The following FHIT variants were observed in gnomAD, a reference collection of about 807,000 sequenced individuals.
The protein encoded by FHIT is fragile histidine triad diadenosine triphosphatase.
In FHIT, 19 loss-of-function variants were observed where a neutral mutation model predicts 17.9. The ratio of observed to expected loss-of-function variants is 1.06; its 90% CI spans 0.74 to 1.56. The LOEUF (loss-of-function observed/expected upper bound fraction) is 1.56. Among genes scored for constraint, FHIT ranks in the 40% most tolerant of loss-of-function variants. FHIT has a pLI of 0.00. For missense variants in FHIT, 248 were observed against 189.2 expected (o/e 1.31, Z -1.82); for synonymous variants, 81 against 69.7 (o/e 1.16, Z -0.81).
At chr3:60,841,693 G>C (rs1553745081) in intron 3 of FHIT, among the ~76,000 whole-genome samples, 1 of 152,222 alleles carries the variant, frequency 6.6e-6, no homozygotes. Flanking sequence ...CGCAAATGAA[G>C]GATTTAAAAT....
intron 5 of FHIT, among the ~76,000 whole-genome samples, chr3:60,176,558 T>C (rs2107424386): frequency 6.6e-6 from 1 of 152,306 alleles, no homozygotes; most frequent in South Asian, 2.1e-4. Context: ...AACAAACACC[T>C]GGCAACTGCC....
At chr3:60,546,331 T>C (rs1259513166) in intron 4 of FHIT, among the ~76,000 whole-genome samples, 1 of 152,170 alleles carries the variant, frequency 6.6e-6, no homozygotes, top group Non-Finnish European at 1.5e-5. Flanking sequence ...ATTTCAGTAG[T>C]GGTTATTCGT....
intron 4 of FHIT, among the ~76,000 whole-genome samples, chr3:60,744,263 C>CAAA (rs1201886354): frequency 2.3e-5 from 2 of 85,984 alleles, no homozygotes; most frequent in Non-Finnish European, 2.3e-5. Context: ...AAAAACAAAA[C>CAAA]AAAACAAAAA....
intron 5 of FHIT, among the ~76,000 whole-genome samples, chr3:60,255,301 G>C (rs1422623579): frequency 6.6e-6 from 1 of 152,138 alleles, no homozygotes; most frequent in African/African-American, 2.4e-5. Flanking sequence ...CTAGGGTAAA[G>C]GGATTTTCCA....
chr3:60,113,900 G>A (rs1704799859), intron 5 of FHIT, among the ~76,000 whole-genome samples: 1 of 146,134 alleles, frequency 6.8e-6, no homozygotes, highest in Admixed American at 6.8e-5. Flanking sequence ...TACTGGGGTG[G>A]CTGAGGCAGG....
At chr3:61,007,939 T>C (rs2031557406) in intron 3 of FHIT, among the ~76,000 whole-genome samples, 1 of 152,162 alleles carries the variant, frequency 6.6e-6, no homozygotes, top group East Asian at 1.9e-4. Flanking sequence ...CACTCCTGTC[T>C]CAAGGCAGAA....
chr3:60,234,669 T>C (rs1232639857), intron 5 of FHIT, among the ~76,000 whole-genome samples: 1 of 152,224 alleles, frequency 6.6e-6, no homozygotes, highest in Non-Finnish European at 1.5e-5. Flanking sequence ...TCCTGGCTGC[T>C]GAAAGAATTG....
chr3:60,318,928 C>G (rs893835161), intron 5 of FHIT, among the ~76,000 whole-genome samples: 1 of 152,084 alleles, frequency 6.6e-6, no homozygotes, highest in Non-Finnish European at 1.5e-5. Flanking sequence ...GCCTATACTC[C>G]TTGGTTTGTA....
At chr3:60,003,396 A>C (rs1699802175) in intron 7 of FHIT, among the ~76,000 whole-genome samples, 1 of 152,158 alleles carries the variant, frequency 6.6e-6, no homozygotes, top group Non-Finnish European at 1.5e-5. Context: ...TGTTTCAGCT[A>C]AAAGGCCCAA....
chr3:59,945,535 T>C (rs1559487197), intron 7 of FHIT, among the ~76,000 whole-genome samples: 1 of 150,602 alleles, frequency 6.6e-6, no homozygotes, highest in Non-Finnish European at 1.5e-5. Context: ...TAGGTTCCAT[T>C]TGTCTTTTTT....
intron 6 of FHIT, 148 bp from the exon 7 acceptor site, chr3:60,011,548 C>A: frequency 1.5e-6 from 1 of 680,632 alleles, no homozygotes; most frequent in Non-Finnish European, 2.6e-6. Context: ...TTCAAATGTG[C>A]GGGATTAGAC....
At chr3:61,105,494 G>C (rs909988102) in intron 2 of FHIT, among the ~76,000 whole-genome samples, 1 of 152,006 alleles carries the variant, frequency 6.6e-6, no homozygotes, top group African/African-American at 2.4e-5. Flanking sequence ...TTCATGGTGA[G>C]AGTCTGCAAA....
intron 5 of FHIT, among the ~76,000 whole-genome samples, chr3:60,041,400 A>G (rs764921094): frequency 6.6e-6 from 1 of 152,182 alleles, no homozygotes; most frequent in Non-Finnish European, 1.5e-5. Context: ...GCAATAATTT[A>G]CACTTCAGGA....
chr3:61,013,821 C>T (rs1019214925), intron 3 of FHIT, among the ~76,000 whole-genome samples: 4 of 152,128 alleles, frequency 2.6e-5, no homozygotes, highest in Non-Finnish European at 5.9e-5. Flanking sequence ...CCTGCCTCAA[C>T]AGCAATACCA....
intron 4 of FHIT, among the ~76,000 whole-genome samples, chr3:60,636,272 T>C (rs969924592): frequency 5.9e-5 from 9 of 152,132 alleles, no homozygotes; most frequent in South Asian, 2.1e-4. Flanking sequence ...GGTTTCACCA[T>C]GTTGGTCAGG....
chr3:60,770,718 G>A (rs915108356), intron 4 of FHIT, among the ~76,000 whole-genome samples: 2 of 152,204 alleles, frequency 1.3e-5, no homozygotes, highest in Non-Finnish European at 2.9e-5. Flanking sequence ...AAAATGTTCT[G>A]CAGTCAACAG....
intron 5 of FHIT, among the ~76,000 whole-genome samples, chr3:60,375,101 T>C (rs959656021): frequency 1.2e-5 from 1 of 81,620 alleles, no homozygotes; most frequent in Non-Finnish European, 2.5e-5. Context: ...TTTTGCTCCT[T>C]TTGAAAAAAA....
chr3:59,896,124 T>C (rs1704057721), intron 8 of FHIT, among the ~76,000 whole-genome samples: 1 of 152,224 alleles, frequency 6.6e-6, no homozygotes, highest in Admixed American at 6.5e-5. Context: ...TATTTGCTCA[T>C]TTACGCTTGT....
At chr3:60,367,342 T>C (rs80249599) in intron 5 of FHIT, among the ~76,000 whole-genome samples, 2 of 152,296 alleles carry the variant, frequency 1.3e-5, no homozygotes, top group Non-Finnish European at 2.9e-5. Context: ...TCAAAGTACC[T>C]CTAGATTATT....
Sources: gnomAD v4.1 joint callset for allele counts (sites outside exome capture counted in the v4.1 genomes callset) on GRCh38, gnomAD v4.1.1 for gene constraint, MANE v1.5 for transcripts, NCBI Gene and HGNC (gene_info 2026-07-23, HGNC 2026-07-21) for gene names.